Variants in ENPP1 observed in about 807,000 individuals in gnomAD.
ENPP1 encodes ectonucleotide pyrophosphatase/phosphodiesterase 1.
A neutral mutation model predicts 122.8 loss-of-function variants in ENPP1; 73 were observed. The ratio of observed to expected loss-of-function variants is 0.59; its 90% CI spans 0.49 to 0.72. The LOEUF (loss-of-function observed/expected upper bound fraction) is 0.72, where lower values mean the gene tolerates loss of function less well. ENPP1 is among the 30% of genes least tolerant of loss of function. The pLI, the probability that ENPP1 is intolerant of heterozygous loss-of-function variation, is 0.00. For synonymous variants in ENPP1, 367 were observed against 391.6 expected, an observed-to-expected ratio of 0.94 and a Z score of 0.74; for missense variants, 978 against 1,128.1, an observed-to-expected ratio of 0.87 and a Z score of 1.91.
intron 1 of ENPP1, among the ~76,000 whole-genome samples, chr6:131,823,883 T>A (rs1222363999): frequency 6.6e-6 from 1 of 151,568 alleles, no homozygotes; most frequent in East Asian, 1.9e-4. Flanking sequence ...TAAATGGGGA[T>A]AATAGTAGTA....
chr6:131,844,697 G>A (rs1562517823), intron 1 of ENPP1, among the ~76,000 whole-genome samples: 2 of 152,326 alleles, frequency 1.3e-5, no homozygotes, highest in East Asian at 3.9e-4. Flanking sequence ...CTGCCATGGT[G>A]CAATAGACTC....
intron 1 of ENPP1, chr6:131,827,280 G>C: frequency 7.6e-7 from 1 of 1,310,330 alleles, no homozygotes; most frequent in Admixed American, 1.7e-5. Context: ...GAAGCGTCTG[G>C]AATAAAAAGG....
chr6:131,842,485 A>T (rs1336252250), intron 1 of ENPP1, among the ~76,000 whole-genome samples: 2 of 146,822 alleles, frequency 1.4e-5, no homozygotes, highest in African/African-American at 2.5e-5. Flanking sequence ...ACTGCAAATT[A>T]TTTTTTTTTT....
At chr6:131,838,091 T>C (rs1430788714) in intron 1 of ENPP1, among the ~76,000 whole-genome samples, 1 of 152,116 alleles carries the variant, frequency 6.6e-6, no homozygotes, top group Non-Finnish European at 1.5e-5. Context: ...TTAAGTAGAA[T>C]AGATAAAATA....
chr6:131,862,029 C>T (rs1585824485), intron 9 of ENPP1, among the ~76,000 whole-genome samples: 1 of 151,906 alleles, frequency 6.6e-6, no homozygotes, highest in Non-Finnish European at 1.5e-5. Context: ...ATTAGCCAGG[C>T]GTGATGGCGG....
intron 20 of ENPP1, among the ~76,000 whole-genome samples, chr6:131,882,050 T>TAA (rs1782317598): frequency 6.7e-6 from 1 of 150,026 alleles, no homozygotes; most frequent in African/African-American, 2.5e-5. Context: ...AATAAATAAA[T>TAA]AAATAAATAT....
At chr6:131,834,064 GAAGGTGAACATGA>G (rs1781644698) in intron 1 of ENPP1, among the ~76,000 whole-genome samples, 1 of 152,210 alleles carries the variant, frequency 6.6e-6, no homozygotes, top group South Asian at 2.1e-4. Context: ...GTCATGGAGT[GAAGGTGAACATGA>G]AAGCTCAATG....
chr6:131,816,961 G>A (rs1390651825), intron 1 of ENPP1, among the ~76,000 whole-genome samples: 1 of 152,134 alleles, frequency 6.6e-6, no homozygotes, highest in African/African-American at 2.4e-5. Flanking sequence ...AAACCACCTG[G>A]GAAGTGTTAA....
At chr6:131,883,856 GGTCTAAATTAAATGAATTAATA>G in intron 22 of ENPP1, 82 bp downstream of exon 22, 1 of 751,332 alleles carries the variant, frequency 1.3e-6, no homozygotes, top group Non-Finnish European at 2.4e-6. Context: ...TAGGACTTAT[GGTCTAAATTAAATGAATTAATA>G]CCAAATACAT....
At chr6:131,827,020 C>A in intron 1 of ENPP1, 2 of 535,306 alleles carry the variant, frequency 3.7e-6, no homozygotes, top group East Asian at 7.9e-5. Context: ...TGGTCCACAT[C>A]TTTGAGGTTG....
intron 7 of ENPP1, 41 bp from the exon 8 acceptor site, chr6:131,860,346 A>G (rs371770744): frequency 6.0e-5 from 88 of 1,474,910 alleles, no homozygotes; most frequent in Middle Eastern, 2.1e-4. Flanking sequence ...TTTAACATTA[A>G]GTAAACACAA....
At chr6:131,824,145 A>G (rs1343808497) in intron 1 of ENPP1, among the ~76,000 whole-genome samples, 4 of 152,188 alleles carry the variant, frequency 2.6e-5, no homozygotes, top group Admixed American at 1.3e-4. Flanking sequence ...ATATTTATCG[A>G]AGAATTATAC....
At chr6:131,847,982 A>T in intron 2 of ENPP1, 134 bp downstream of exon 2, 1 of 671,460 alleles carries the variant, frequency 1.5e-6, no homozygotes, top group Non-Finnish European at 2.5e-6. Context: ...TGTCAATTCA[A>T]CGCTGGCTTG....
intron 1 of ENPP1, among the ~76,000 whole-genome samples, chr6:131,829,849 C>T (rs979147334): frequency 5.9e-5 from 9 of 152,274 alleles, no homozygotes; most frequent in African/African-American, 1.9e-4. Flanking sequence ...GGGTCCCACC[C>T]GGAGCAGGGA....
intron 14 of ENPP1, 60 bp from the exon 15 acceptor site, chr6:131,872,863 G>A (rs1360181111): frequency 1.2e-5 from 19 of 1,554,250 alleles, no homozygotes; most frequent in South Asian, 9.0e-5. Flanking sequence ...CCCTAAAAAA[G>A]TTGACACTTT....
intron 1 of ENPP1, among the ~76,000 whole-genome samples, chr6:131,815,092 T>G (rs923071416): frequency 5.9e-5 from 9 of 152,130 alleles, no homozygotes; most frequent in African/African-American, 2.2e-4. Context: ...TGGGATATAA[T>G]TTTATTTGGG....
At chr6:131,863,966 A>G (rs957212075) in intron 9 of ENPP1, among the ~76,000 whole-genome samples, 13 of 152,134 alleles carry the variant, frequency 8.5e-5, no homozygotes, top group African/African-American at 1.7e-4. Flanking sequence ...TCAAAGATTA[A>G]TAGTATATGA....
intron 24 of ENPP1, 144 bp downstream of exon 24, chr6:131,886,868 G>T (rs1310577502): frequency 1.1e-5 from 6 of 525,870 alleles, no homozygotes; most frequent in South Asian, 2.9e-5. Context: ...TTTTAAATTT[G>T]ATCTTTTAAG....
intron 1 of ENPP1, among the ~76,000 whole-genome samples, chr6:131,831,372 G>C (rs1018413540): frequency 6.6e-6 from 1 of 152,062 alleles, no homozygotes; most frequent in Non-Finnish European, 1.5e-5. Context: ...ATTTGTTACA[G>C]CTCATGAATC....
Sources: allele counts gnomAD v4.1 joint callset (sites outside exome capture counted in the v4.1 genomes callset), GRCh38; gene constraint gnomAD v4.1.1; transcripts MANE v1.5; gene names NCBI Gene and HGNC (gene_info 2026-07-23, HGNC 2026-07-21).